The following HOXC4 variants were observed in gnomAD, a reference collection of about 807,000 sequenced individuals.
HOXC4 encodes the protein homeobox protein Hox-C4.
In HOXC4, 15 loss-of-function variants were observed where a neutral mutation model predicts 25.5. The ratio of observed to expected loss-of-function variants is 0.59; its 90% confidence interval spans 0.39 to 0.91. HOXC4 has a LOEUF of 0.91. Ranked by LOEUF, HOXC4 falls within the 40% of genes least tolerant of loss-of-function variation. The pLI is 0.00. For synonymous variants in HOXC4, 165 were observed against 148.0 expected (o/e 1.11, Z -0.83); for missense variants, 342 against 352.4 (o/e 0.97, Z 0.24).
intron 1 of HOXC4, chr12:54,034,093 G>A (rs1415648161): frequency 1.4e-6 from 1 of 721,070 alleles, no homozygotes; most frequent in East Asian, 2.7e-5. Context: ...AAAGTTTCCT[G>A]CCTGGGCGGA....
At chr12:54,052,957 G>C (rs1458838670), upstream of HOXC4, among the ~76,000 whole-genome samples, 1 of 152,170 alleles carries the variant, frequency 6.6e-6, no homozygotes, top group Non-Finnish European at 1.5e-5. Flanking sequence ...CTGACTCCTG[G>C]CAGAAAGCTC....
intron 1 of HOXC4, chr12:54,022,089 G>C (rs1940473573): frequency 6.6e-6 from 1 of 152,254 alleles, no homozygotes; most frequent in African/African-American, 2.4e-5. Flanking sequence ...CCCTTGCCTA[G>C]GCTTTTCTTC....
At chr12:54,043,105 G>T (rs565741115) in intron 1 of HOXC4, among the ~76,000 whole-genome samples, 1 of 152,354 alleles carries the variant, frequency 6.6e-6, no homozygotes, top group South Asian at 2.1e-4. Flanking sequence ...CGGTTATGCA[G>T]GACCTTGTTC....
upstream of HOXC4, among the ~76,000 whole-genome samples, chr12:54,050,139 C>T (rs73314911): frequency 0.013 from 1,996 of 152,196 alleles, 36 homozygotes; most frequent in African/African-American, 0.045. Flanking sequence ...TCTATGGAGC[C>T]GCTGAGCTCT....
rs1326506341 is a variant in HOXC4 at position 54,028,409 on chromosome 12, A to T, written c.-124+10995A>T. ...TGGGAGGGGGTCAGCTGACTTTGTCATTTTGTCTGTCCTGGATTGGAGCCG... is the reference window on the plus strand; with the variant it reads ...TGGGAGGGGGTCAGCTGACTTTGTCTTTTTGTCTGTCCTGGATTGGAGCCG... On this transcript the variant is annotated intron_variant, in intron 1 of 3. Transcript: ENST00000303406. 2.4e-6 allele frequency: 3 copies of T among 1,230,106 alleles called. No individual in the cohort carries two copies. The African/African-American group carries it at 4.6e-5, about 19-fold the overall frequency. 76.2% of individuals were successfully genotyped at this position (1,230,106 alleles called of 1,614,324 possible).
intron 1 of HOXC4, chr12:54,034,644 A>T: frequency 1.6e-6 from 1 of 644,622 alleles, no homozygotes; most frequent in Non-Finnish European, 2.7e-6. Flanking sequence ...TTTCCTTGGC[A>T]TTCCGCATCC....
chr12:54,030,198 T>A, intron 1 of HOXC4: 1 of 452,914 alleles, frequency 2.2e-6, no homozygotes, highest in Non-Finnish European at 3.9e-6. Flanking sequence ...CGTTCTCGGC[T>A]TGTCTACAGG....
At chr12:54,018,085 C>A (rs1940242972) in intron 1 of HOXC4, among the ~76,000 whole-genome samples, 1 of 152,088 alleles carries the variant, frequency 6.6e-6, no homozygotes, top group Non-Finnish European at 1.5e-5. Context: ...GTCTGCCCAC[C>A]CCCTGCTCCC....
chr12:54,041,075 A>G (rs1158694535), intron 1 of HOXC4, among the ~76,000 whole-genome samples: 1 of 152,232 alleles, frequency 6.6e-6, no homozygotes, highest in African/African-American at 2.4e-5. Flanking sequence ...ATAATAATAG[A>G]CTAGGTGATG....
chr12:54,034,417 G>A, intron 1 of HOXC4: 3 of 1,614,208 alleles, frequency 1.9e-6, no homozygotes, highest in Non-Finnish European at 1.7e-6. Flanking sequence ...ATGAGAGACA[G>A]ATCAAGATCT....
At chr12:54,033,564 C>A in intron 1 of HOXC4, 1 of 1,585,284 alleles carries the variant, frequency 6.3e-7, no homozygotes, top group Non-Finnish European at 8.5e-7. Context: ...GACCAAACTG[C>A]ACATGAGCCA....
chr12:54,032,845 T>C (rs1305901439), intron 1 of HOXC4: 2 of 167,312 alleles, frequency 1.2e-5, no homozygotes, highest in African/African-American at 2.7e-5. Flanking sequence ...TCACTCCCTC[T>C]CCCCCTTGGT....
At position 54,053,884 on chromosome 12, in the gene HOXC4, C is replaced by A; in HGVS notation, c.-39C>A. 2 of 1,534,534 alleles carry A rather than the reference C, an allele frequency of 1.3e-6. No homozygotes were observed. Among genetic ancestry groups the A allele is most frequent in the Non-Finnish European group, 1.8e-6 (2 of 1,117,648 alleles). ...AGGAGGGCTTTATGGAGCAGAAAAACGACAAAGCGAGAAAAATTATTTTCC... is the reference window on the plus strand; with the variant it reads ...AGGAGGGCTTTATGGAGCAGAAAAAAGACAAAGCGAGAAAAATTATTTTCC... On this transcript the variant is annotated 5_prime_UTR_variant, in exon 1 of 2. Coordinates refer to ENST00000430889, the MANE Select transcript of HOXC4 (RefSeq NM_153633.3).
rs991085658 is a variant in HOXC4, at chr12:54,030,159, G to A, written c.-124+12745G>A. The A allele has an allele frequency of 9.2e-6, 5 of 540,892 alleles. No homozygotes were observed. In the Admixed American group the frequency reaches 9.9e-5, roughly 11 times the overall value. The allele number at this position is 540,892 out of a possible 1,614,324, so 33.5% of individuals were successfully genotyped here. A position where few individuals can be genotyped will look rare whatever the true frequency, so the allele number is the denominator to read the frequency against. On this transcript the variant is annotated intron_variant, in intron 1 of 3. Transcript: ENST00000303406. Reference sequence around the variant, plus strand: ...ACCGCACAACTCTCTTTCACCACGCGCCTCCTCCTCCTCGCTCCCTTGCTA... The same window carrying A: ...ACCGCACAACTCTCTTTCACCACGCACCTCCTCCTCCTCGCTCCCTTGCTA...
upstream of HOXC4, among the ~76,000 whole-genome samples, chr12:54,052,596 G>A (rs901263071): frequency 6.9e-6 from 1 of 144,264 alleles, no homozygotes; most frequent in African/African-American, 2.7e-5. Flanking sequence ...GGTTAGGAAA[G>A]CAGCTTTTCC....
chr12:54,041,860 A>G (rs1455794612), intron 1 of HOXC4, among the ~76,000 whole-genome samples: 2 of 151,962 alleles, frequency 1.3e-5, no homozygotes, highest in Non-Finnish European at 2.9e-5. Context: ...TATTTTTGGC[A>G]GAGATGAGAT....
chr12:54,048,364 GAAAAT>G (rs1334507049), intron 1 of HOXC4, among the ~76,000 whole-genome samples: 2 of 152,030 alleles, frequency 1.3e-5, no homozygotes, highest in Non-Finnish European at 1.5e-5. Flanking sequence ...TATGGTTGGG[GAAAAT>G]AAAATAAAGA....
chr12:54,051,730 G>A (rs548825145), upstream of HOXC4, among the ~76,000 whole-genome samples: 13 of 152,210 alleles, frequency 8.5e-5, no homozygotes, highest in Non-Finnish European at 1.6e-4. Context: ...GCTAAGCCCT[G>A]GCCCTGCTGA....
chr12:54,037,783 G>A (rs1354742451), intron 1 of HOXC4: 2 of 152,228 alleles, frequency 1.3e-5, no homozygotes, highest in Non-Finnish European at 1.5e-5. Context: ...AGGCAAGCCC[G>A]TGAGTGGCTC....
Sources: gnomAD v4.1 joint callset for allele counts (sites outside exome capture counted in the v4.1 genomes callset) on GRCh38, gnomAD v4.1.1 for gene constraint, MANE v1.5 for transcripts, NCBI Gene and HGNC (gene_info 2026-07-23, HGNC 2026-07-21) for gene names.